Variants in MIDEAS observed in about 807,000 individuals in gnomAD.
MIDEAS encodes the protein mitotic deacetylase associated SANT domain protein, also known as mitotic deacetylase-associated SANT domain protein.
MIDEAS carries 26 observed loss-of-function variants against 102.7 expected under a neutral mutation model. The ratio of observed to expected loss-of-function variants is 0.25; its 90% CI spans 0.19 to 0.35. The LOEUF is 0.35. Among genes scored for constraint, MIDEAS ranks in the 10% least tolerant of loss-of-function variants. The pLI is 1.00. For missense variants in MIDEAS, 1,231 were observed against 1,435.6 expected (o/e 0.86, Z 2.30); for synonymous variants, 585 against 591.0 (o/e 0.99, Z 0.15).
At chr14:73,753,421 T>C (rs2053445722) in intron 1 of MIDEAS, among the ~76,000 whole-genome samples, 1 of 152,218 alleles carries the variant, frequency 6.6e-6, no homozygotes, top group Admixed American at 6.5e-5. Context: ...GGGCAATGTG[T>C]GCTGGCTTCT....
At chr14:73,719,156 A>G (rs1156503103) in intron 12 of MIDEAS, 148 bp from the exon 13 acceptor site, 8 of 1,469,348 alleles carry the variant, frequency 5.4e-6, no homozygotes, top group Admixed American at 2.3e-5. Context: ...AAGCTGCCCC[A>G]TGACGTCACA....
chr14:73,719,544 C>G, intron 11 of MIDEAS, 43 bp from the exon 12 acceptor site: 2 of 1,585,978 alleles, frequency 1.3e-6, no homozygotes, highest in Non-Finnish European at 1.7e-6. Flanking sequence ...TCTGAGCAAG[C>G]GCAGATCTGG....
At chr14:73,721,616 G>A (rs547463009) in intron 10 of MIDEAS, 107 bp from the exon 11 acceptor site, 105 of 967,166 alleles carry the variant, frequency 1.1e-4, no homozygotes, top group Admixed American at 8.6e-4. Flanking sequence ...AGTCCTGCTC[G>A]CCTGGCTGGC....
chr14:73,760,882 CCT>C (rs1170478261), upstream of MIDEAS, among the ~76,000 whole-genome samples: 7 of 152,308 alleles, frequency 4.6e-5, no homozygotes, highest in East Asian at 1.9e-4. This position sits in a 1 kb window ranked among gnomAD's most constrained non-coding sequence, Gnocchi z 4.8. Context: ...CACATTTTCC[CCT>C]GTCTTCCCTA....
chr14:73,768,763 G>T (rs920022432), intron 1 of MIDEAS, among the ~76,000 whole-genome samples: 4 of 152,072 alleles, frequency 2.6e-5, no homozygotes, highest in Non-Finnish European at 5.9e-5. Flanking sequence ...GGAATTACAG[G>T]CGTGAGCCAC....
At chr14:73,735,072 A>G (rs2053185195) in intron 3 of MIDEAS, among the ~76,000 whole-genome samples, 1 of 152,176 alleles carries the variant, frequency 6.6e-6, no homozygotes, top group Non-Finnish European at 1.5e-5. Context: ...AAGAAACATA[A>G]AGTAGAATGG....
chr14:73,733,641 T>C (rs192543083), intron 3 of MIDEAS, among the ~76,000 whole-genome samples: 1 of 152,272 alleles, frequency 6.6e-6, no homozygotes, highest in Admixed American at 6.5e-5. Context: ...AACTTTGCAT[T>C]GTCCAGGAAG....
intron 3 of MIDEAS, chr14:73,730,329 G>A: frequency 2.4e-6 from 1 of 415,812 alleles, no homozygotes; most frequent in African/African-American, 2.0e-5. Context: ...CCAGACCACA[G>A]TTCCCCACCT....
intron 1 of MIDEAS, among the ~76,000 whole-genome samples, chr14:73,778,579 G>A (rs1229394110): frequency 6.6e-6 from 1 of 151,936 alleles, no homozygotes; most frequent in African/African-American, 2.4e-5. Context: ...AGTTGTTCCA[G>A]AGCATGTGCT....
rs1185061227 is a variant in MIDEAS, at chr14:73,721,517, G to C, written c.2725-8C>G. On this transcript the variant is annotated splice_region_variant and splice_polypyrimidine_tract_variant and intron_variant, in intron 10 of 12. Transcript: ENST00000423556. Reference sequence around the variant, plus strand: ...TGGGAACTTTTGGGAAGTCTATGGGGAACAAGAACAAGGGCAGTGAGCCTA... The same window carrying C: ...TGGGAACTTTTGGGAAGTCTATGGGCAACAAGAACAAGGGCAGTGAGCCTA... 6.2e-7 allele frequency: 1 copy of C among 1,612,132 alleles called. No individual in the cohort carries two copies. Among genetic ancestry groups the C allele is most frequent in the South Asian group, 1.1e-5 (1 of 91,026 alleles).
Position 73,759,408 on chromosome 14 carries a change from G to T in MIDEAS, c.-248+355C>A, listed in dbSNP as rs2053528951. Among the ~76,000 whole-genome samples the T allele has an allele frequency of 6.6e-6, 1 of 151,056 alleles. No homozygotes were observed. The highest frequency in any genetic ancestry group is 1.5e-5 in the Non-Finnish European group (1 of 67,644). On this transcript the variant is annotated intron_variant, in intron 1 of 12. Coordinates refer to ENST00000423556, the MANE Select transcript of MIDEAS (RefSeq NM_001367710.1). This position sits in a 1 kb window ranked among gnomAD's most constrained non-coding sequence, Gnocchi z 6.7. ...CCCGAGCCGCCGCGGGCCGCCGGGT[G>T]GGGAGGGCTTTCCTGGCGGGGCCGC...
chr14:73,736,912 A>G, intron 3 of MIDEAS, 86 bp downstream of exon 3: 1 of 1,357,588 alleles, frequency 7.4e-7, no homozygotes, highest in South Asian at 1.3e-5. Context: ...ACCTTCCTAC[A>G]TTGCCATGTT....
In MIDEAS at chr14:73,759,192, C is replaced by T. The variant is rs1336254811; in HGVS notation, c.-248+571G>A. ...TCCCCAACGCCCCTGCACCTCTGTCCCCCAAACTCCTGGCGTGGACGCCGC... is the reference window on the plus strand; with the variant it reads ...TCCCCAACGCCCCTGCACCTCTGTCTCCCAAACTCCTGGCGTGGACGCCGC... On this transcript the variant is annotated intron_variant, in intron 1 of 12. Coordinates refer to ENST00000423556, the MANE Select transcript of MIDEAS (RefSeq NM_001367710.1). The surrounding 1 kb of genome is among the most constrained non-coding windows in gnomAD (Gnocchi z 6.7). Among the ~76,000 whole-genome samples the T allele has an allele frequency of 6.6e-6, 1 of 152,184 alleles. No homozygotes were observed. Among genetic ancestry groups the T allele is most frequent in the Non-Finnish European group, 1.5e-5 (1 of 68,010 alleles).
intron 10 of MIDEAS, among the ~76,000 whole-genome samples, chr14:73,722,028 A>T (rs745679148): frequency 1.1e-4 from 16 of 152,158 alleles, no homozygotes; most frequent in Admixed American, 5.2e-4. Flanking sequence ...TTCTCTTTCA[A>T]TCCTGATTAT....
chr14:73,722,655 C>T, intron 10 of MIDEAS, 43 bp downstream of exon 10: 1 of 1,604,142 alleles, frequency 6.2e-7, no homozygotes, highest in Non-Finnish European at 8.5e-7. Context: ...TGGTCCCAGA[C>T]CCAGCCCAGG....
upstream of MIDEAS, among the ~76,000 whole-genome samples, chr14:73,764,516 C>T (rs1448240328): frequency 6.6e-6 from 1 of 152,148 alleles, no homozygotes; most frequent in Non-Finnish European, 1.5e-5. Flanking sequence ...CTCTCCCAGC[C>T]TGTTCTTTGT....
Position 73,718,825 on chromosome 14 carries a change from C to G in MIDEAS, c.*18G>C. 1 of 1,420,160 alleles carries G rather than the reference C, an allele frequency of 7.0e-7. No individual in the cohort carries two copies. Among genetic ancestry groups the G allele is most frequent in the East Asian group, 2.8e-5 (1 of 36,218 alleles). 88.0% of individuals were successfully genotyped at this position (1,420,160 alleles called of 1,614,324 possible). On this transcript the variant is annotated 3_prime_UTR_variant, in exon 13 of 13. Transcript: ENST00000423556. ...GGAAGGGCCGAGGCCCAGGACTGGG[C>G]CAGCCTGGCTCCCGCGCTCAGCCCT...
chr14:73,745,920 A>G (rs1424571891), intron 1 of MIDEAS, among the ~76,000 whole-genome samples: 2 of 152,200 alleles, frequency 1.3e-5, no homozygotes, highest in African/African-American at 4.8e-5. Flanking sequence ...TCCCTGGACC[A>G]TCACTTCTCT....
chr14:73,783,421 A>AGCGG (rs2053774148), intron 1 of MIDEAS, among the ~76,000 whole-genome samples: 1 of 152,156 alleles, frequency 6.6e-6, no homozygotes, highest in African/African-American at 2.4e-5. Flanking sequence ...AAACACACAG[A>AGCGG]GTGGGTCACC....
Sources: allele counts gnomAD v4.1 joint callset (sites outside exome capture counted in the v4.1 genomes callset), GRCh38; gene constraint gnomAD v4.1.1; non-coding constraint Gnocchi (gnomAD v3.1); transcripts MANE v1.5; gene names NCBI Gene and HGNC (gene_info 2026-07-23, HGNC 2026-07-21).